PARD3B: variants seen among roughly 807,000 people sequenced by gnomAD.
PARD3B encodes the protein par-3 family cell polarity regulator beta.
In PARD3B, 103 loss-of-function variants were observed where a neutral mutation model predicts 130.2. The observed-to-expected ratio is 0.79, with a 90% CI of 0.67 to 0.93. PARD3B has a LOEUF of 0.93. PARD3B is among the 40% of genes least tolerant of loss of function. The probability of loss-of-function intolerance (pLI) is 0.00; values close to 1 mark genes in which losing one functional copy is unlikely to be tolerated. For missense variants in PARD3B, 1,609 were observed against 1,499.2 expected (o/e 1.07, Z -1.21); for synonymous variants, 583 against 553.2 (o/e 1.05, Z -0.76).
intron 16 of PARD3B, among the ~76,000 whole-genome samples, chr2:205,254,939 C>G (rs1161639976): frequency 6.6e-6 from 1 of 151,972 alleles, no homozygotes; most frequent in Non-Finnish European, 1.5e-5. Flanking sequence ...GCTGGGATTA[C>G]AGGTGTGAGC....
intron 1 of PARD3B, among the ~76,000 whole-genome samples, chr2:204,615,654 T>A (rs1353033655): frequency 6.6e-6 from 1 of 152,178 alleles, no homozygotes; most frequent in Admixed American, 6.6e-5. Context: ...ACAGGCTTAC[T>A]GTGTTTACTT....
chr2:205,538,440 C>A (rs894884908), intron 21 of PARD3B, among the ~76,000 whole-genome samples: 15 of 151,316 alleles, frequency 9.9e-5, no homozygotes, highest in Non-Finnish European at 1.9e-4. Context: ...GGCATTGTTT[C>A]TGTAAACAAC....
intron 15 of PARD3B, among the ~76,000 whole-genome samples, chr2:205,194,738 GAC>G: frequency 6.6e-6 from 1 of 151,932 alleles, no homozygotes; most frequent in South Asian, 2.1e-4. Flanking sequence ...TAAAACCAAA[GAC>G]ATGTGCAGAA....
intron 3 of PARD3B, among the ~76,000 whole-genome samples, chr2:205,029,757 T>G (rs1230084588): frequency 6.6e-6 from 1 of 152,126 alleles, no homozygotes; most frequent in African/African-American, 2.4e-5. Flanking sequence ...TTAGCAATCT[T>G]CAGTAAGTGC....
chr2:204,967,814 A>G lies in PARD3B; in HGVS notation c.394+2491A>G, dbSNP rs758786455. 1.3e-5 allele frequency among the ~76,000 whole-genome samples: 2 copies of G among 152,030 alleles called. No individual in the cohort carries two copies. Among genetic ancestry groups the G allele is most frequent in the African/African-American group, 2.4e-5 (1 of 41,388 alleles). On this transcript the variant is annotated intron_variant, in intron 3 of 22. Coordinates refer to ENST00000406610, the MANE Select transcript of PARD3B (RefSeq NM_001302769.2). This position sits in a 1 kb window ranked among gnomAD's most constrained non-coding sequence, Gnocchi z 4.4. ...AGGCTGTGCACCTCCAGATGGAGAG[A>G]TGTGGTTGGCAGTAGAGGCAGTATT...
chr2:204,787,317 C>T (rs2042047409), intron 2 of PARD3B, among the ~76,000 whole-genome samples: 1 of 152,130 alleles, frequency 6.6e-6, no homozygotes, highest in Non-Finnish European at 1.5e-5. Context: ...CCCTCAACTT[C>T]TGTCAGCCTT....
intron 2 of PARD3B, among the ~76,000 whole-genome samples, chr2:204,847,632 G>C (rs1445447558): frequency 6.6e-6 from 1 of 152,116 alleles, no homozygotes; most frequent in Admixed American, 6.6e-5. Flanking sequence ...TTCACTGTCT[G>C]TAGGCTACCA....
At chr2:205,179,212 ATG>A (rs113296489) in intron 13 of PARD3B, among the ~76,000 whole-genome samples, 6,874 of 152,288 alleles carry the variant, frequency 0.045, 322 homozygotes, top group African/African-American at 0.12. Flanking sequence ...CAGCTGTACA[ATG>A]TGTTTGTGTT....
Position 205,258,899 on chromosome 2 carries a change from CTT to C in PARD3B, c.2185+13078_2185+13079del, listed in dbSNP as rs1260822883. Reference sequence around the variant, plus strand: ...CTTTTTAATGACCTTTTTTCCCTCTCTTGTCATTTTAGGCTGAATTGCTTTTT... The same window carrying C: ...CTTTTTAATGACCTTTTTTCCCTCTCGTCATTTTAGGCTGAATTGCTTTTT... On this transcript the variant is annotated intron_variant, in intron 16 of 22. Coordinates refer to ENST00000406610, the MANE Select transcript of PARD3B (RefSeq NM_001302769.2). The surrounding 1 kb of genome is among the most constrained non-coding windows in gnomAD (Gnocchi z 4.9). Among the ~76,000 whole-genome samples the C allele has an allele frequency of 6.6e-6, 1 of 152,024 alleles. No homozygotes were observed. Among genetic ancestry groups the C allele is most frequent in the African/African-American group, 2.4e-5 (1 of 41,420 alleles).
chr2:204,781,872 T>A lies in PARD3B; in HGVS notation c.222+95590T>A, dbSNP rs2041843942. On this transcript the variant is annotated intron_variant, in intron 2 of 22. Coordinates refer to ENST00000406610, the MANE Select transcript of PARD3B (RefSeq NM_001302769.2). ...AGTGCTTAACCGGCTGTTTATTTGT[T>A]GTTATTGTGGCATTATAAATTGTGC... 3.9e-5 allele frequency among the ~76,000 whole-genome samples: 6 copies of A among 152,088 alleles called. No homozygotes were observed. In the South Asian group the frequency reaches 1.2e-3, roughly 32 times the overall value.
chr2:204,649,815 A>G (rs2125166809), intron 1 of PARD3B, among the ~76,000 whole-genome samples: 1 of 152,318 alleles, frequency 6.6e-6, no homozygotes, highest in Middle Eastern at 3.4e-3. Context: ...AAAAAGCTGG[A>G]AGACAACCTA....
intron 21 of PARD3B, among the ~76,000 whole-genome samples, chr2:205,539,169 T>C (rs1036020429): frequency 2.6e-5 from 4 of 152,146 alleles, no homozygotes; most frequent in Non-Finnish European, 4.4e-5. Flanking sequence ...TTAGGAGTGA[T>C]GGTGCTTTTA....
rs541590522 is a variant in PARD3B at position 204,936,094 on chromosome 2, T to C, written c.223-29058T>C. The stretch of plus-strand genomic sequence containing the variant: ...AGTTTCAGTGGTCTGTTTCCCAGTG[T>C]GCTGTAGGAGAGCACTTTTGGGCTG... On this transcript the variant is annotated intron_variant, in intron 2 of 22. Coordinates refer to ENST00000406610, the MANE Select transcript of PARD3B (RefSeq NM_001302769.2). Among the ~76,000 whole-genome samples the C allele has an allele frequency of 2.6e-5, 4 of 152,354 alleles. No individual in the cohort carries two copies. The East Asian group carries it at 7.7e-4, about 29-fold the overall frequency.
chr2:205,599,154 CT>C (rs1379961419), intron 22 of PARD3B, among the ~76,000 whole-genome samples: 1 of 152,138 alleles, frequency 6.6e-6, no homozygotes, highest in Non-Finnish European at 1.5e-5. Context: ...ATGCTCATTT[CT>C]TTCAACAGAA....
intron 1 of PARD3B, among the ~76,000 whole-genome samples, chr2:204,565,078 C>T (rs182488209): frequency 2.2e-4 from 34 of 152,260 alleles, no homozygotes; most frequent in South Asian, 4.1e-4. Flanking sequence ...GCTAGCAGAA[C>T]GCTTTCCTTG....
intron 2 of PARD3B, among the ~76,000 whole-genome samples, chr2:204,931,557 A>G (rs1688032362): frequency 6.6e-6 from 1 of 151,922 alleles, no homozygotes; most frequent in African/African-American, 2.4e-5. Flanking sequence ...AACATGGGGT[A>G]TAATTTACTT....
intron 2 of PARD3B, among the ~76,000 whole-genome samples, chr2:204,963,861 T>C (rs568088700): frequency 1.3e-5 from 2 of 152,328 alleles, no homozygotes; most frequent in Non-Finnish European, 2.9e-5. Context: ...GCAAGAGGAT[T>C]GTTGGATTTT....
At chr2:205,076,637 C>T (rs1701080288) in intron 4 of PARD3B, among the ~76,000 whole-genome samples, 1 of 152,286 alleles carries the variant, frequency 6.6e-6, no homozygotes, top group East Asian at 1.9e-4. Flanking sequence ...GCTCCTGTCA[C>T]ATCAGTGGCA....
intron 18 of PARD3B, among the ~76,000 whole-genome samples, chr2:205,327,007 T>C (rs1237102501): frequency 6.6e-6 from 1 of 152,218 alleles, no homozygotes. Context: ...AGTTCTGTAA[T>C]GTAGGGTCTT....
Sources: gnomAD v4.1 joint callset for allele counts (sites outside exome capture counted in the v4.1 genomes callset) on GRCh38, gnomAD v4.1.1 for gene constraint, Gnocchi (gnomAD v3.1) non-coding constraint, MANE v1.5 for transcripts, NCBI Gene and HGNC (gene_info 2026-07-23, HGNC 2026-07-21) for gene names.